SLC39A2: variants seen among roughly 807,000 people sequenced by gnomAD.
SLC39A2 encodes the protein solute carrier family 39 member 2.
Under a neutral mutation model 18.0 loss-of-function variants are expected in SLC39A2, and 14 were observed. That is an observed-to-expected ratio of 0.78 (90% CI 0.51 to 1.22). The LOEUF (loss-of-function observed/expected upper bound fraction) is 1.22. SLC39A2 is among the 50% of genes most tolerant of loss of function. The pLI is 0.00. For synonymous variants in SLC39A2, 152 were observed against 153.1 expected, an observed-to-expected ratio of 0.99 and a Z score of 0.05; for missense variants, 375 against 370.6, an observed-to-expected ratio of 1.01 and a Z score of -0.10.
At position 21,000,951 on chromosome 14, in the gene SLC39A2, A is replaced by G. The variant is rs769526532; in HGVS notation, c.302A>G (p.Glu101Gly). 6.8e-7 allele frequency: 1 copy of G among 1,462,142 alleles called. No individual in the cohort carries two copies. The highest frequency in any genetic ancestry group is 1.6e-5 in the South Asian group (1 of 60,840). 90.6% of individuals were successfully genotyped at this position (1,462,142 alleles called of 1,614,324 possible). A position where few individuals can be genotyped will look rare whatever the true frequency, so the allele number is the denominator to read the frequency against. Reference sequence around the variant, plus strand: ...AGCCCTTCTTTTTGTTTCTAGATGGAGTATCCCTATGGAGAGCTCATCATC... The same window carrying G: ...AGCCCTTCTTTTTGTTTCTAGATGGGGTATCCCTATGGAGAGCTCATCATC... ...SSGDADSAHM[E>G]YPYGELIISL... Residue 101 changes from glutamate to glycine, a missense_variant, in exon 4 of 4, where the codon GAG (glutamate) becomes GGG (glycine). Glu to Gly is a moderately conservative substitution (Grantham distance 98). Coordinates refer to ENST00000298681, the MANE Select transcript of SLC39A2 (RefSeq NM_014579.4).
At chr14:20,999,598 T>C in intron 1 of SLC39A2, 37 bp downstream of exon 1, 1 of 1,592,974 alleles carries the variant, frequency 6.3e-7, no homozygotes, top group Non-Finnish European at 8.6e-7. Context: ...ATAGCCTGAG[T>C]CTCACCTCAA....
rs369197232 is a variant in SLC39A2 at position 21,001,614 on chromosome 14, A to T, written c.*35A>T. 44 of 1,520,470 alleles carry T rather than the reference A, an allele frequency of 2.9e-5. 1 individual carries two copies. The African/African-American group carries it at 4.3e-4, about 15-fold the overall frequency. 94.2% of individuals were successfully genotyped at this position (1,520,470 alleles called of 1,614,324 possible). A position where few individuals can be genotyped will look rare whatever the true frequency, so the allele number is the denominator to read the frequency against. Reference sequence around the variant, plus strand: ...GGCTTTTCTGATGGACCTATTTAGGACAACCTCTCTATCCCCAGGGAGACC... The same window carrying T: ...GGCTTTTCTGATGGACCTATTTAGGTCAACCTCTCTATCCCCAGGGAGACC... On this transcript the variant is annotated 3_prime_UTR_variant, in exon 4 of 4. Transcript: ENST00000298681.
Position 21,001,439 on chromosome 14 carries a change from G to T in SLC39A2, c.790G>T (p.Val264Leu), listed in dbSNP as rs1474730770. ...CTTAGCCCAGGCTGTGTTAGAGGGT[G>T]TGGCAGCTGGTACCTTCCTGTATGT... ...RGLAQAVLEG[V>L]AAGTFLYVTF... The change falls in exon 4 of 4, where the codon GTG (valine) becomes TTG (leucine). Residue 264 changes from valine to leucine, a missense_variant. Physicochemically the swap from Val to Leu is conservative, Grantham distance 32. Coordinates refer to ENST00000298681, the MANE Select transcript of SLC39A2 (RefSeq NM_014579.4). 1 of 1,614,066 alleles carries T rather than the reference G, an allele frequency of 6.2e-7. No individual in the cohort carries two copies. Among genetic ancestry groups the T allele is most frequent in the Admixed American group, 1.7e-5 (1 of 60,026 alleles).
chr14:20,999,992 G>A, intron 2 of SLC39A2, 120 bp downstream of exon 2: 1 of 1,476,834 alleles, frequency 6.8e-7, no homozygotes, highest in South Asian at 1.2e-5. Flanking sequence ...GAAAATGACA[G>A]CTCTTGTGTG....
rs780031359 is a variant in SLC39A2, at chr14:20,999,890, A to T, written c.246+18A>T. The stretch of plus-strand genomic sequence containing the variant: ...TGGTGCAGGTGAGAGCAGAGATTTC[A>T]AGCCGCAGGTCTATGAGGCCAAAAT... On this transcript the variant is annotated intron_variant, in intron 2 of 3. Transcript: ENST00000298681. 2.1e-5 allele frequency: 34 copies of T among 1,613,452 alleles called. No homozygotes were observed. In the South Asian group the frequency reaches 3.7e-4, roughly 18 times the overall value.
At position 20,999,737 on chromosome 14, in the gene SLC39A2, A is replaced by G; in HGVS notation, c.116-5A>G. ...AAGTGGGTTGTAACTTCTGCTTTTTATTAGGTCATCACCGGCTAGTCCTCA... is the reference window on the plus strand; with the variant it reads ...AAGTGGGTTGTAACTTCTGCTTTTTGTTAGGTCATCACCGGCTAGTCCTCA... On this transcript the variant is annotated splice_region_variant and splice_polypyrimidine_tract_variant and intron_variant, in intron 1 of 3. Transcript: ENST00000298681. The G allele has an allele frequency of 6.2e-7, 1 of 1,614,000 alleles. No homozygotes were observed. Among genetic ancestry groups the G allele is most frequent in the Admixed American group, 1.7e-5 (1 of 60,016 alleles).
In SLC39A2 at chr14:20,999,752, G is replaced by A. The variant is rs147771345; in HGVS notation, c.126G>A (p.Arg42=). 6.2e-7 allele frequency: 1 copy of A among 1,614,072 alleles called. No homozygotes were observed. Among genetic ancestry groups the A allele is most frequent in the Non-Finnish European group, 8.5e-7 (1 of 1,180,012 alleles). ...TCTGCTTTTTATTAGGTCATCACCG[G>A]CTAGTCCTCAGACTCCTGGGCTGTA... The part of the protein sequence containing the change: ...FQIDAARGHH[R]LVLRLLGCIS... The change falls in exon 2 of 4, where the codon CGG becomes CGA. Residue 42 remains arginine (R), a synonymous_variant. Transcript: ENST00000298681.
chr14:21,000,307 A>T, intron 3 of SLC39A2, 141 bp downstream of exon 3: 1 of 629,310 alleles, frequency 1.6e-6, no homozygotes, highest in African/African-American at 1.8e-5. Flanking sequence ...AGAGGAAAAG[A>T]GGAGCAAATC....
In SLC39A2 at chr14:21,001,353, C is replaced by A; in HGVS notation, c.704C>A (p.Ser235Tyr). 1.2e-6 allele frequency: 2 copies of A among 1,614,146 alleles called. No individual in the cohort carries two copies. The highest frequency in any genetic ancestry group is 2.2e-5 in the East Asian group (1 of 44,880). ...TCCATACTATTATTAGCTCTCATGT[C>A]CCCCCTGGGCCTAGCCGTAGGGCTG... ...VFSILLLALM[S>Y]PLGLAVGLAV... The change falls in exon 4 of 4, where the codon TCC becomes TAC. Residue 235 changes from serine (S) to tyrosine (Y), a missense_variant. Physicochemically the swap from Ser to Tyr is moderately radical, Grantham distance 144. Coordinates refer to ENST00000298681, the MANE Select transcript of SLC39A2 (RefSeq NM_014579.4).
At position 21,000,105 on chromosome 14, in the gene SLC39A2, TTTC is replaced by T; in HGVS notation, c.247-5_247-3del. The T allele has an allele frequency of 6.2e-7, 1 of 1,609,072 alleles. No homozygotes were observed. The highest frequency in any genetic ancestry group is 8.5e-7 in the Non-Finnish European group (1 of 1,177,812). On this transcript the variant is annotated splice_polypyrimidine_tract_variant and splice_region_variant and intron_variant, in intron 2 of 3. Transcript: ENST00000298681. The stretch of plus-strand genomic sequence containing the variant: ...CCATCCCACATCTAATTTCTGCTGC[TTTC>T]TTCTTAGAACAGATCAGCAAGTGAG...
rs1204900474 is a variant in SLC39A2 at position 21,001,358 on chromosome 14, CT to C, written c.710del (p.Leu237ArgfsTer3). On this transcript the variant is annotated frameshift_variant, in exon 4 of 4. Coordinates refer to ENST00000298681, the MANE Select transcript of SLC39A2 (RefSeq NM_014579.4). LOFTEE classifies it high-confidence loss of function. ...SILLLALMSP[L>X]GLAVGLAVTG... ...ACTATTATTAGCTCTCATGTCCCCCCTGGGCCTAGCCGTAGGGCTGGCTGTG... is the reference window on the plus strand; with the variant it reads ...ACTATTATTAGCTCTCATGTCCCCCCGGGCCTAGCCGTAGGGCTGGCTGTG... The C allele has an allele frequency of 3.1e-6, 5 of 1,614,052 alleles. No individual in the cohort carries two copies. The highest frequency in any genetic ancestry group is 1.3e-5 in the African/African-American group (1 of 74,938).
rs1880557843 is a variant in SLC39A2, at chr14:20,999,997, TGTGTGGGATGGTG to T, written c.247-118_247-106del. 36 of 1,450,160 alleles carry T rather than the reference TGTGTGGGATGGTG, an allele frequency of 2.5e-5. No individual in the cohort carries two copies. The Admixed American group carries it at 6.6e-4, about 26-fold the overall frequency. The allele number at this position is 1,450,160 out of a possible 1,614,324, so 89.8% of individuals were successfully genotyped here. ...GAACGACAAGGAAAATGACAGCTCT[TGTGTGGGATGGTG>T]AAAGCAAGTCAGATTAGGCTTTAAG... On this transcript the variant is annotated intron_variant, in intron 2 of 3. Coordinates refer to ENST00000298681, the MANE Select transcript of SLC39A2 (RefSeq NM_014579.4).
chr14:21,000,743 A>G (rs970438210), intron 3 of SLC39A2, among the ~76,000 whole-genome samples: 1 of 152,080 alleles, frequency 6.6e-6, no homozygotes, highest in Non-Finnish European at 1.5e-5. Flanking sequence ...AAGTGCTAGG[A>G]TTACAGGCAT....
At chr14:21,000,425 C>G (rs1468018768) in intron 3 of SLC39A2, among the ~76,000 whole-genome samples, 1 of 152,144 alleles carries the variant, frequency 6.6e-6, no homozygotes, top group Non-Finnish European at 1.5e-5. Flanking sequence ...GTTTTTAACT[C>G]TATTGAGATT....
Position 20,999,795 on chromosome 14 carries a change from C to A in SLC39A2, c.169C>A (p.Leu57Met). Residue 57 changes from leucine to methionine, a missense_variant, in exon 2 of 4, where the codon CTG becomes ATG. Transcript: ENST00000298681. ...LLGCISAGVF[L>M]GAGFMHMTAE... ...GGGCTGTATTTCTGCTGGTGTTTTCCTGGGAGCAGGGTTCATGCATATGAC... is the reference window on the plus strand; with the variant it reads ...GGGCTGTATTTCTGCTGGTGTTTTCATGGGAGCAGGGTTCATGCATATGAC... The A allele has an allele frequency of 3.7e-6, 6 of 1,614,146 alleles. No individual in the cohort carries two copies. The highest frequency in any genetic ancestry group is 5.1e-6 in the Non-Finnish European group (6 of 1,180,002).
chr14:20,999,968 G>A lies in SLC39A2; in HGVS notation c.246+96G>A, dbSNP rs1880555588. On this transcript the variant is annotated intron_variant, in intron 2 of 3. Transcript: ENST00000298681. The stretch of plus-strand genomic sequence containing the variant: ...GGAAAGTGATGGAGCCAAGGACATG[G>A]GTGGAACGACAAGGAAAATGACAGC... The A allele has an allele frequency of 2.8e-5, 43 of 1,534,450 alleles. 1 individual carries two copies. In the South Asian group the frequency reaches 4.7e-4, roughly 17 times the overall value.
chr14:21,001,772 T>C lies in SLC39A2; in HGVS notation c.*193T>C. 1 of 465,118 alleles carries C rather than the reference T, an allele frequency of 2.1e-6. No individual in the cohort carries two copies. The highest frequency in any genetic ancestry group is 3.8e-5 in the Admixed American group (1 of 26,378). The allele number at this position is 465,118 out of a possible 1,614,324, so 28.8% of individuals were successfully genotyped here. A position where few individuals can be genotyped will look rare whatever the true frequency, so the allele number is the denominator to read the frequency against. On this transcript the variant is annotated 3_prime_UTR_variant, in exon 4 of 4. Transcript: ENST00000298681. ...CTGGACTAAGACAAAGATATTTAGGTTGAGCAGCTATTAATTGGAGAATTG... is the reference window on the plus strand; with the variant it reads ...CTGGACTAAGACAAAGATATTTAGGCTGAGCAGCTATTAATTGGAGAATTG...
At position 21,001,433 on chromosome 14, in the gene SLC39A2, G is replaced by C; in HGVS notation, c.784G>C (p.Glu262Gln). The change falls in exon 4 of 4, where the codon GAG (glutamate) becomes CAG (glutamine). Residue 262 changes from glutamate to glutamine, a missense_variant. Physicochemically the swap from Glu to Gln is conservative, Grantham distance 29. Transcript: ENST00000298681. ...GCGGGGCTTAGCCCAGGCTGTGTTAGAGGGTGTGGCAGCTGGTACCTTCCT... is the reference window on the plus strand; with the variant it reads ...GCGGGGCTTAGCCCAGGCTGTGTTACAGGGTGTGGCAGCTGGTACCTTCCT... ...GGRGLAQAVL[E>Q]GVAAGTFLYV... 6.2e-7 allele frequency: 1 copy of C among 1,614,100 alleles called. No individual in the cohort carries two copies. Among genetic ancestry groups the C allele is most frequent in the South Asian group, 1.1e-5 (1 of 91,086 alleles).
chr14:21,000,053 A>T, intron 2 of SLC39A2, 63 bp from the exon 3 acceptor site: 2 of 1,483,122 alleles, frequency 1.3e-6, no homozygotes, highest in East Asian at 4.5e-5. Context: ...GAATTGCTGA[A>T]GGGACAGCAC....
Sources: gnomAD v4.1 joint callset for allele counts (sites outside exome capture counted in the v4.1 genomes callset) on GRCh38, gnomAD v4.1.1 for gene constraint, MANE v1.5 for transcripts, NCBI Gene and HGNC (gene_info 2026-07-23, HGNC 2026-07-21) for gene names.